CSMD1: variants seen among roughly 807,000 people sequenced by gnomAD.
CSMD1 encodes the protein CUB and Sushi multiple domains 1.
In CSMD1, 213 loss-of-function variants were observed where a neutral mutation model predicts 417.5. The observed-to-expected ratio is 0.51, with a 90% confidence interval of 0.46 to 0.57. The LOEUF (loss-of-function observed/expected upper bound fraction) is 0.57, where lower values mean the gene tolerates loss of function less well. Among genes scored for constraint, CSMD1 ranks in the 20% least tolerant of loss-of-function variants. CSMD1 has a pLI of 0.00. For missense variants in CSMD1, 6,923 were observed against 4,529.7 expected (o/e 1.53, Z -15.17); for synonymous variants, 2,862 against 1,736.8 (o/e 1.65, Z -16.11).
chr8:4,077,947 T>C lies in CSMD1; in HGVS notation c.416-45848A>G, dbSNP rs371465855. Among the ~76,000 whole-genome samples the C allele has an allele frequency of 2.3e-4, 35 of 152,204 alleles. No homozygotes were observed. In the East Asian group the frequency reaches 4.5e-3, roughly 19 times the overall value. ...CATCACAAAATCCTTTACATACCCATACTCGCCCTGCATGTGTGTCCCCAG... is the reference window on the plus strand; with the variant it reads ...CATCACAAAATCCTTTACATACCCACACTCGCCCTGCATGTGTGTCCCCAG... On this transcript the variant is annotated intron_variant, in intron 3 of 69. Coordinates refer to ENST00000635120, the MANE Select transcript of CSMD1 (RefSeq NM_033225.6).
In CSMD1 at chr8:3,110,484, T is replaced by C. The variant is rs112551418; in HGVS notation, c.6431-149A>G. ...TTCTGAATCACCATTTTGTCAAAAT[T>C]ACTGCCCTAAAATCTGAAGACCTTA... On this transcript the variant is annotated intron_variant, in intron 42 of 69. Transcript: ENST00000635120. The C allele has an allele frequency of 5.4e-5, 33 of 610,852 alleles. No homozygotes were observed. In the African/African-American group the frequency reaches 6.2e-4, roughly 11 times the overall value. The allele number at this position is 610,852 out of a possible 1,614,324, so 37.8% of individuals were successfully genotyped here.
intron 7 of CSMD1, among the ~76,000 whole-genome samples, chr8:3,658,007 G>A (rs1798216989): frequency 6.6e-6 from 1 of 152,078 alleles, no homozygotes; most frequent in Admixed American, 6.6e-5. Context: ...TTTGGGATTT[G>A]GAGAAGGAAA....
intron 30 of CSMD1, among the ~76,000 whole-genome samples, chr8:3,206,484 A>ATGTGTATG (rs1797282451): frequency 1.0e-5 from 1 of 99,870 alleles, no homozygotes; most frequent in Admixed American, 1.4e-4. Context: ...CTGTGCGTGT[A>ATGTGTATG]TGTGTGTGTG....
At chr8:4,229,123 G>C (rs2128812756) in intron 3 of CSMD1, among the ~76,000 whole-genome samples, 1 of 152,314 alleles carries the variant, frequency 6.6e-6, no homozygotes, top group African/African-American at 2.4e-5. Flanking sequence ...AGTCTTCCCA[G>C]CTTGCTAGAG....
intron 12 of CSMD1, among the ~76,000 whole-genome samples, chr8:3,429,209 C>T (rs541061365): frequency 5.9e-5 from 9 of 151,546 alleles, no homozygotes; most frequent in Non-Finnish European, 8.9e-5. Flanking sequence ...CGTAAAGAAA[C>T]GCTGAACGTT....
intron 26 of CSMD1, among the ~76,000 whole-genome samples, chr8:3,232,696 T>A (rs537739505): frequency 7.2e-5 from 11 of 152,172 alleles, no homozygotes; most frequent in Admixed American, 1.3e-4. Flanking sequence ...AGTCTCCTTA[T>A]GTGCCCTGAA....
At chr8:3,140,477 C>A (rs548741040) in intron 41 of CSMD1, among the ~76,000 whole-genome samples, 1 of 152,268 alleles carries the variant, frequency 6.6e-6, no homozygotes, top group South Asian at 2.1e-4. Context: ...AAAATGCTGG[C>A]AATGTCTAGA....
chr8:3,886,735 G>T (rs1474698764), intron 5 of CSMD1, among the ~76,000 whole-genome samples: 1 of 152,146 alleles, frequency 6.6e-6, no homozygotes, highest in Non-Finnish European at 1.5e-5. Context: ...TAAGATGGCT[G>T]TCATCAGCCC....
intron 3 of CSMD1, among the ~76,000 whole-genome samples, chr8:4,253,907 C>CTTTTT (rs147795407): frequency 2.5e-5 from 2 of 80,956 alleles, no homozygotes; most frequent in African/African-American, 4.3e-5. Context: ...TTCCTTCCAT[C>CTTTTT]TTTTTTTTTT....
chr8:4,276,360 A>C (rs373470412), intron 3 of CSMD1, among the ~76,000 whole-genome samples: 74 of 152,330 alleles, frequency 4.9e-4, no homozygotes, highest in South Asian at 4.8e-3. Flanking sequence ...CATTGTCAGC[A>C]AACTATCACA....
intron 5 of CSMD1, among the ~76,000 whole-genome samples, chr8:3,918,990 T>G (rs1405612109): frequency 5.9e-5 from 9 of 151,980 alleles, no homozygotes; most frequent in African/African-American, 2.2e-4. Context: ...AACTTATTCA[T>G]GTAACCAAAT....
At chr8:4,849,952 C>A (rs545521301) in intron 1 of CSMD1, among the ~76,000 whole-genome samples, 56 of 152,294 alleles carry the variant, frequency 3.7e-4, no homozygotes, top group Admixed American at 8.5e-4. Flanking sequence ...AATTACCAGA[C>A]TCTTTGCTAA....
intron 41 of CSMD1, among the ~76,000 whole-genome samples, chr8:3,141,813 TC>T (rs1271117341): frequency 1.3e-5 from 2 of 149,836 alleles, no homozygotes; most frequent in African/African-American, 2.5e-5. Flanking sequence ...TTTTTTTTTT[TC>T]TGAGATGGAG....
At chr8:4,680,378 G>C (rs1457248163) in intron 1 of CSMD1, among the ~76,000 whole-genome samples, 1 of 152,152 alleles carries the variant, frequency 6.6e-6, no homozygotes, top group Non-Finnish European at 1.5e-5. Context: ...TAATGTTACT[G>C]TTCAATACAA....
At chr8:3,916,978 A>G (rs1240304998) in intron 5 of CSMD1, among the ~76,000 whole-genome samples, 1 of 152,156 alleles carries the variant, frequency 6.6e-6, no homozygotes, top group Non-Finnish European at 1.5e-5. Context: ...TTCCTGAGGC[A>G]AAATGGTGAA....
intron 3 of CSMD1, among the ~76,000 whole-genome samples, chr8:4,058,091 G>A (rs59402257): frequency 0.038 from 5,838 of 152,160 alleles, 352 homozygotes; most frequent in African/African-American, 0.12. Context: ...GTAGCTTGAT[G>A]GGGATGGCAT....
intron 6 of CSMD1, among the ~76,000 whole-genome samples, chr8:3,718,300 T>TC (rs1023840899): frequency 2.0e-5 from 3 of 151,934 alleles, no homozygotes; most frequent in Admixed American, 2.0e-4. Flanking sequence ...TCCTGCATTT[T>TC]TTTTATTGGA....
At chr8:3,527,557 A>G (rs1797804765) in intron 10 of CSMD1, among the ~76,000 whole-genome samples, 1 of 152,084 alleles carries the variant, frequency 6.6e-6, no homozygotes, top group Non-Finnish European at 1.5e-5. Context: ...ACAAGAATTG[A>G]TACCTGTGAT....
At chr8:4,863,618 C>T (rs1250242545) in intron 1 of CSMD1, among the ~76,000 whole-genome samples, 2 of 151,954 alleles carry the variant, frequency 1.3e-5, no homozygotes, top group East Asian at 3.9e-4. Flanking sequence ...AACAACACTC[C>T]CACCTCTCCA....
Sources: gnomAD v4.1 joint callset for allele counts (sites outside exome capture counted in the v4.1 genomes callset) on GRCh38, gnomAD v4.1.1 for gene constraint, MANE v1.5 for transcripts, NCBI Gene and HGNC (gene_info 2026-07-23, HGNC 2026-07-21) for gene names.